The following NIBAN2 variants were observed in gnomAD, a reference collection of about 807,000 sequenced individuals.
The protein encoded by NIBAN2 is protein Niban 2.
NIBAN2 carries 36 observed loss-of-function variants against 81.8 expected under a neutral mutation model. That is an observed-to-expected ratio of 0.44 (90% CI 0.34 to 0.58). The LOEUF (loss-of-function observed/expected upper bound fraction) is 0.58, where lower values mean the gene tolerates loss of function less well. Ranked by LOEUF, NIBAN2 falls within the 20% of genes least tolerant of loss-of-function variation. NIBAN2 has a pLI of 0.02. For synonymous variants in NIBAN2, 445 were observed against 441.6 expected (o/e 1.01, Z -0.10); for missense variants, 897 against 1,014.1 (o/e 0.88, Z 1.57).
intron 3 of NIBAN2, 121 bp from the exon 4 acceptor site, chr9:127,525,284 A>G: frequency 1.5e-6 from 1 of 672,310 alleles, no homozygotes; most frequent in Non-Finnish European, 2.6e-6. Context: ...AAGGAAGAAG[A>G]GGCAAGAGAG....
intron 1 of NIBAN2, among the ~76,000 whole-genome samples, chr9:127,577,456 A>G (rs112152177): frequency 1.2e-4 from 14 of 114,514 alleles, no homozygotes; most frequent in Admixed American, 3.6e-4. Context: ...AATACCCCAC[A>G]CTTCCCACAC....
exon 1 of NIBAN2, chr9:127,578,988 T>C (rs1243995654): frequency 6.5e-7 from 1 of 1,544,624 alleles, no homozygotes; most frequent in Non-Finnish European, 8.9e-7. Flanking sequence ...GCCCAGTTCC[T>C]GACTCCTAGC....
intron 3 of NIBAN2, 117 bp downstream of exon 3, chr9:127,527,077 G>A: frequency 7.6e-7 from 1 of 1,316,348 alleles, no homozygotes; most frequent in South Asian, 1.3e-5. Flanking sequence ...CTCTGGCCCT[G>A]GTGACCGCGT....
intron 5 of NIBAN2, among the ~76,000 whole-genome samples, chr9:127,518,151 G>C (rs532440503): frequency 1.3e-5 from 2 of 152,252 alleles, no homozygotes; most frequent in African/African-American, 4.8e-5. Context: ...ACAGTGACAA[G>C]GCAGCCCCCT....
At chr9:127,567,713 C>A (rs1002160911) in intron 1 of NIBAN2, among the ~76,000 whole-genome samples, 7 of 152,314 alleles carry the variant, frequency 4.6e-5, no homozygotes, top group African/African-American at 1.7e-4. Context: ...GTGCTCAGGG[C>A]CCACTAGACA....
rs964442307 is a variant in NIBAN2, at chr9:127,517,648, A to G, written c.705+178T>C. 1.3e-5 allele frequency among the ~76,000 whole-genome samples: 2 copies of G among 152,168 alleles called. No homozygotes were observed. Among genetic ancestry groups the G allele is most frequent in the Non-Finnish European group, 2.9e-5 (2 of 68,028 alleles). On this transcript the variant is annotated intron_variant, in intron 6 of 13. Coordinates refer to ENST00000373312, the MANE Select transcript of NIBAN2 (RefSeq NM_022833.4). The surrounding 1 kb of genome is among the most constrained non-coding windows in gnomAD (Gnocchi z 4.0). The stretch of plus-strand genomic sequence containing the variant: ...GTGCTCAGATGCCCAGTAAGTGATG[A>G]ATAAGACAGCGAGTATCTCCACGTG...
intron 1 of NIBAN2, among the ~76,000 whole-genome samples, chr9:127,539,077 G>A (rs1837331771): frequency 6.6e-6 from 1 of 152,048 alleles, no homozygotes; most frequent in Admixed American, 6.6e-5. Flanking sequence ...GGATCGAGCT[G>A]ACTGATCTTT....
chr9:127,508,234 T>C lies in NIBAN2; in HGVS notation c.1435-34A>G. 1.3e-6 allele frequency: 2 copies of C among 1,544,904 alleles called. No homozygotes were observed. Among genetic ancestry groups the C allele is most frequent in the Non-Finnish European group, 1.8e-6 (2 of 1,119,786 alleles). On this transcript the variant is annotated intron_variant, in intron 11 of 13. Transcript: ENST00000373312. This position sits in a 1 kb window ranked among gnomAD's most constrained non-coding sequence, Gnocchi z 6.4. ...AACAAGGGGGTCGGGGGTCTGCAGG[T>C]CAGTGGGCTCCATTGGCCCTGAGGG...
intron 2 of NIBAN2, among the ~76,000 whole-genome samples, chr9:127,530,467 T>G (rs1837157662): frequency 6.6e-6 from 1 of 152,050 alleles, no homozygotes; most frequent in Non-Finnish European, 1.5e-5. Context: ...GAGGATCTCT[T>G]GAGTCCCGCC....
Position 127,517,775 on chromosome 9 carries a change from T to TCCACCCAA in NIBAN2, c.705+50_705+51insTTGGGTGG, listed in dbSNP as rs1184774293. ...TACCCCACCCCCTGCCCTCCCCTGC[T>TCCACCCAA]GGGTCCTTGGGTGACTTCTGAGGTT... On this transcript the variant is annotated intron_variant, in intron 6 of 13. Transcript: ENST00000373312. This position sits in a 1 kb window ranked among gnomAD's most constrained non-coding sequence, Gnocchi z 4.0. 3 of 1,390,278 alleles carry TCCACCCAA rather than the reference T, an allele frequency of 2.2e-6. No homozygotes were observed. The South Asian group carries it at 3.6e-5, about 17-fold the overall frequency. The allele number at this position is 1,390,278 out of a possible 1,614,324, so 86.1% of individuals were successfully genotyped here.
intron 1 of NIBAN2, among the ~76,000 whole-genome samples, chr9:127,548,651 A>C (rs570708929): frequency 1.7e-4 from 26 of 152,238 alleles, no homozygotes; most frequent in Non-Finnish European, 3.4e-4. Context: ...AGACATCCAG[A>C]TCGATGCTAA....
chr9:127,561,049 G>T (rs1246666108), intron 1 of NIBAN2: 2 of 886,276 alleles, frequency 2.3e-6, no homozygotes, highest in Non-Finnish European at 2.7e-6. Flanking sequence ...CACATGGGTG[G>T]GCAAGGAGGG....
chr9:127,564,180 C>CT (rs1052498569), intron 1 of NIBAN2, among the ~76,000 whole-genome samples: 6 of 151,842 alleles, frequency 4.0e-5, no homozygotes, highest in African/African-American at 1.5e-4. Context: ...GTAGTCCCAG[C>CT]TACTCAGGAG....
chr9:127,507,468 T>G lies in NIBAN2; in HGVS notation c.1655-37A>C, dbSNP rs1449405391. 19 of 1,447,364 alleles carry G rather than the reference T, an allele frequency of 1.3e-5. 1 individual carries two copies. The South Asian group carries it at 2.3e-4, about 18-fold the overall frequency. The allele number at this position is 1,447,364 out of a possible 1,614,324, so 89.7% of individuals were successfully genotyped here. ...CAGGGGAAGGGTCAGGACACAGCAC[T>G]GATCCCACAGCCGCCCCTGTGCTGG... is the stretch of plus-strand genomic sequence containing the variant. On this transcript the variant is annotated intron_variant, in intron 13 of 13. Transcript: ENST00000373312. The surrounding 1 kb of genome is among the most constrained non-coding windows in gnomAD (Gnocchi z 6.8).
rs780703594 is a variant in NIBAN2, at chr9:127,508,057, G to C, written c.1542+36C>G. The C allele has an allele frequency of 1.8e-5, 29 of 1,611,004 alleles. No individual in the cohort carries two copies. In the African/African-American group the frequency reaches 2.8e-4, roughly 16 times the overall value. On this transcript the variant is annotated intron_variant, in intron 12 of 13. Coordinates refer to ENST00000373312, the MANE Select transcript of NIBAN2 (RefSeq NM_022833.4). This position sits in a 1 kb window ranked among gnomAD's most constrained non-coding sequence, Gnocchi z 6.4. ...CCTGTGGGCTCCATCCCCCAACTTAGGGCCCAAACGGCTGGAGCAGGTGGG... is the reference window on the plus strand; with the variant it reads ...CCTGTGGGCTCCATCCCCCAACTTACGGCCCAAACGGCTGGAGCAGGTGGG...
At chr9:127,561,835 G>A (rs953675403) in intron 1 of NIBAN2, among the ~76,000 whole-genome samples, 1 of 152,274 alleles carries the variant, frequency 6.6e-6, no homozygotes, top group Non-Finnish European at 1.5e-5. Context: ...GAATGGCTTT[G>A]CTCCACCCTC....
At chr9:127,568,418 C>T (rs1042033660) in intron 1 of NIBAN2, among the ~76,000 whole-genome samples, 1 of 152,104 alleles carries the variant, frequency 6.6e-6, no homozygotes, top group Non-Finnish European at 1.5e-5. Context: ...TGAGCGCGAG[C>T]TGGCTGGGTC....
chr9:127,570,313 A>G (rs1837932178), upstream of NIBAN2, among the ~76,000 whole-genome samples: 1 of 152,198 alleles, frequency 6.6e-6, no homozygotes. Flanking sequence ...TCATGCATTC[A>G]GTCACTTACC....
rs1837284553 is a variant in NIBAN2, at chr9:127,536,652, A to G, written c.56-4874T>C. The stretch of plus-strand genomic sequence containing the variant: ...ACCACACGCCACGGATTTGGGGCAG[A>G]TGTTGGACAGGGCCTCCAACACTCA... On this transcript the variant is annotated intron_variant, in intron 1 of 13. Transcript: ENST00000373312. This position sits in a 1 kb window ranked among gnomAD's most constrained non-coding sequence, Gnocchi z 4.0. 1.3e-5 allele frequency among the ~76,000 whole-genome samples: 2 copies of G among 152,220 alleles called. No individual in the cohort carries two copies. The highest frequency in any genetic ancestry group is 3.9e-4 in the East Asian group (2 of 5,192).
Sources: gnomAD v4.1 joint callset for allele counts (sites outside exome capture counted in the v4.1 genomes callset) on GRCh38, gnomAD v4.1.1 for gene constraint, Gnocchi (gnomAD v3.1) non-coding constraint, MANE v1.5 for transcripts, NCBI Gene and HGNC (gene_info 2026-07-23, HGNC 2026-07-21) for gene names.